INO80E: variants seen among roughly 807,000 people sequenced by gnomAD.
INO80E encodes coiled-coil domain containing 95.
Under a neutral mutation model 27.3 loss-of-function variants are expected in INO80E, and 20 were observed. The observed-to-expected ratio is 0.73, with a 90% CI of 0.51 to 1.06. The LOEUF (loss-of-function observed/expected upper bound fraction) is 1.06. INO80E is among the 50% of genes least tolerant of loss of function. The pLI is 0.00. For missense variants in INO80E, 357 were observed against 322.8 expected (o/e 1.11, Z -0.81); for synonymous variants, 167 against 145.9 (o/e 1.14, Z -1.04).
At chr16:29,998,860 A>G (rs2070237793) in intron 3 of INO80E, among the ~76,000 whole-genome samples, 2 of 152,208 alleles carry the variant, frequency 1.3e-5, no homozygotes, top group Admixed American at 1.3e-4. Context: ...CCTGGCTAAC[A>G]TGGTGAAACC....
At chr16:29,996,958 C>A in intron 3 of INO80E, 98 bp downstream of exon 3, 1 of 1,138,364 alleles carries the variant, frequency 8.8e-7, no homozygotes, top group Non-Finnish European at 1.3e-6. Flanking sequence ...CTGATGCAGC[C>A]CCCAGTGGTC....
intron 6 of INO80E, chr16:30,002,398 A>C (rs2070385976): frequency 6.5e-6 from 1 of 152,674 alleles, no homozygotes; most frequent in African/African-American, 2.4e-5. Context: ...GCAGGTGTGG[A>C]GGGGGAGTGA....
chr16:29,997,432 T>A (rs566699905), intron 3 of INO80E, among the ~76,000 whole-genome samples: 1 of 151,212 alleles, frequency 6.6e-6, no homozygotes, highest in Admixed American at 6.6e-5. Context: ...TTTCTTTAGT[T>A]TTTTTTTTTT....
chr16:30,001,788 G>GCC (rs1267276374), intron 6 of INO80E: 1 of 466,296 alleles, frequency 2.1e-6, no homozygotes, highest in Non-Finnish European at 3.8e-6. Flanking sequence ...GTGTAGCGGG[G>GCC]CCAGGCTCAT....
intron 3 of INO80E, among the ~76,000 whole-genome samples, chr16:29,997,837 G>C (rs972639031): frequency 6.6e-6 from 1 of 151,504 alleles, no homozygotes; most frequent in African/African-American, 2.4e-5. Flanking sequence ...ACTCAAGAAA[G>C]GCCTTTCACA....
chr16:29,999,001 C>T (rs546435620), intron 3 of INO80E, among the ~76,000 whole-genome samples: 5 of 151,394 alleles, frequency 3.3e-5, no homozygotes, highest in African/African-American at 4.9e-5. Flanking sequence ...GCCGAGATTA[C>T]GCCACTGCAC....
chr16:30,001,379 C>T (rs757161436), intron 5 of INO80E, 35 bp from the exon 6 acceptor site: 17 of 1,553,088 alleles, frequency 1.1e-5, no homozygotes, highest in Non-Finnish European at 1.4e-5. Context: ...CCGGTCCATT[C>T]CGCCTCCCAT....
chr16:30,001,081 T>A, intron 5 of INO80E, 41 bp downstream of exon 5: 1 of 1,509,048 alleles, frequency 6.6e-7, no homozygotes, highest in Non-Finnish European at 8.9e-7. Context: ...GGGAGTAAGG[T>A]GGGCGTCATT....
Position 30,005,340 on chromosome 16 carries a change from C to CCCCCCCCCAA in INO80E, c.633_634insCCCCCCCCAA (p.Thr212ProfsTer19). 6.7e-7 allele frequency: 1 copy of CCCCCCCCCAA among 1,503,382 alleles called. No homozygotes were observed. Among genetic ancestry groups the CCCCCCCCCAA allele is most frequent in the Non-Finnish European group, 8.8e-7 (1 of 1,132,446 alleles). The allele number at this position is 1,503,382 out of a possible 1,614,324, so 93.1% of individuals were successfully genotyped here. A position where few individuals can be genotyped will look rare whatever the true frequency, so the allele number is the denominator to read the frequency against. On this transcript the variant is annotated frameshift_variant, in exon 7 of 7. Transcript: ENST00000563197. LOFTEE classifies it high-confidence loss of function. ...TCCCACCCCCTAAGATGCCCCCCCC[C>CCCCCCCCCAA]ACGATCCTGAGCACGGTCCCTCGGC...
At chr16:30,001,340 C>T (rs1252051885) in intron 5 of INO80E, 74 bp from the exon 6 acceptor site, 3 of 1,518,324 alleles carry the variant, frequency 2.0e-6, no homozygotes, top group Admixed American at 2.1e-5. Flanking sequence ...CATCCTCCTT[C>T]TGTTTGCATT....
Position 30,005,713 on chromosome 16 carries a change from TG to T in INO80E, c.*273del. On this transcript the variant is annotated 3_prime_UTR_variant, in exon 7 of 7. Transcript: ENST00000563197. ...TGCTGGGGAGGCAGAGACCCTGCAA[TG>T]GCCACCTCTTTAAAAGGGCAGCTGT... 1.9e-6 allele frequency: 1 copy of T among 524,752 alleles called. No homozygotes were observed. Among genetic ancestry groups the T allele is most frequent in the Non-Finnish European group, 3.3e-6 (1 of 299,432 alleles). 32.5% of individuals were successfully genotyped at this position (524,752 alleles called of 1,614,324 possible).
At chr16:30,000,463 G>A (rs927394859) in intron 3 of INO80E, among the ~76,000 whole-genome samples, 4 of 152,090 alleles carry the variant, frequency 2.6e-5, no homozygotes, top group Non-Finnish European at 4.4e-5. Context: ...CTCAATCTCC[G>A]AGTAGTTCTC....
rs1464304977 is a variant in INO80E at position 30,003,647 on chromosome 16, C to T, written c.514-1574C>T. 1 of 152,250 alleles carries T rather than the reference C, an allele frequency of 6.6e-6. No homozygotes were observed. The highest frequency in any genetic ancestry group is 1.5e-5 in the Non-Finnish European group (1 of 68,042). 9.4% of individuals were successfully genotyped at this position (152,250 alleles called of 1,614,324 possible). On this transcript the variant is annotated intron_variant, in intron 6 of 6. Transcript: ENST00000563197. The surrounding 1 kb of genome is among the most constrained non-coding windows in gnomAD (Gnocchi z 4.4). ...TAAGCCACAGCTCTCTTTCTCCATT[C>T]AGTGGCGGCATTGTGCGGAGAATGT...
chr16:29,996,742 A>G (rs2070134152), intron 2 of INO80E, 66 bp from the exon 3 acceptor site: 1 of 1,598,070 alleles, frequency 6.3e-7, no homozygotes, highest in African/African-American at 1.3e-5. Flanking sequence ...GCTGGGAGGG[A>G]CAGGTACCCA....
intron 6 of INO80E, among the ~76,000 whole-genome samples, chr16:30,004,867 CG>C (rs1201946401): frequency 2.0e-5 from 3 of 152,146 alleles, no homozygotes; most frequent in Non-Finnish European, 2.9e-5. Flanking sequence ...GTGGCACCTC[CG>C]GGGCCGGCAG....
In INO80E at chr16:30,001,426, C is replaced by T. The variant is rs540928017; in HGVS notation, c.409C>T (p.Arg137Cys). ...SPYLSSLASS[R>C]YPPFPSDYLA... ...CTCCCGCCCGCAGCTGGCCTCCTCC[C>T]GCTACCCCCCATTCCCTTCTGACTA... The change falls in exon 6 of 7, where the codon CGC becomes TGC. Residue 137 changes from arginine (R) to cysteine (C), a missense_variant. Transcript: ENST00000563197. 4.7e-5 allele frequency: 76 copies of T among 1,602,650 alleles called. No individual in the cohort carries two copies. Among genetic ancestry groups the T allele is most frequent in the East Asian group, 3.4e-4 (15 of 44,372 alleles).
chr16:30,005,197 CTG>C (rs764347906), intron 6 of INO80E, 22 bp from the exon 7 acceptor site: 201 of 1,444,278 alleles, frequency 1.4e-4, no homozygotes, highest in Middle Eastern at 2.5e-4. Flanking sequence ...ACTAGTCCCC[CTG>C]TGTTTCTTCC....
intron 3 of INO80E, among the ~76,000 whole-genome samples, chr16:29,998,969 C>T (rs1013839415): frequency 1.2e-4 from 18 of 151,380 alleles, no homozygotes; most frequent in Non-Finnish European, 1.9e-4. Context: ...GGTGTGAACC[C>T]GGGAGGCGGA....
chr16:30,001,596 G>A (rs2070358968), intron 6 of INO80E, 66 bp downstream of exon 6: 3 of 1,462,756 alleles, frequency 2.1e-6, no homozygotes, highest in Non-Finnish European at 2.8e-6. Flanking sequence ...GAGGGAGGCT[G>A]AAGGCGGGGG....
Sources: allele counts gnomAD v4.1 joint callset (sites outside exome capture counted in the v4.1 genomes callset), GRCh38; gene constraint gnomAD v4.1.1; non-coding constraint Gnocchi (gnomAD v3.1); transcripts MANE v1.5; gene names NCBI Gene and HGNC (gene_info 2026-07-23, HGNC 2026-07-21).